Variants in RIMS2 observed in about 807,000 individuals in gnomAD.
RIMS2 encodes the protein regulating synaptic membrane exocytosis 2.
Under a neutral mutation model 174.4 loss-of-function variants are expected in RIMS2, and 59 were observed. The ratio of observed to expected loss-of-function variants is 0.34; its 90% CI spans 0.27 to 0.42. The LOEUF (loss-of-function observed/expected upper bound fraction) is 0.42, where lower values mean the gene tolerates loss of function less well. RIMS2 is among the 10% of genes least tolerant of loss of function. The pLI, the probability that RIMS2 is intolerant of heterozygous loss-of-function variation, is 1.00. For missense variants in RIMS2, 1,620 were observed against 1,666.3 expected, an observed-to-expected ratio of 0.97 and a Z score of 0.48; for synonymous variants, 606 against 572.5, an observed-to-expected ratio of 1.06 and a Z score of -0.84.
At chr8:103,865,284 C>CTTTTTTTTTTTTTTTTT (rs67300843) in intron 3 of RIMS2, among the ~76,000 whole-genome samples, 1 of 119,732 alleles carries the variant, frequency 8.4e-6, no homozygotes, top group African/African-American at 3.2e-5. Context: ...CAGTTTTTTT[C>CTTTTTTTTTTTTTTTTT]TTTTTTTTTT....
chr8:104,208,335 A>AGG (rs571634068), intron 19 of RIMS2, among the ~76,000 whole-genome samples: 1 of 152,070 alleles, frequency 6.6e-6, no homozygotes, highest in African/African-American at 2.4e-5. Flanking sequence ...TGGGAGGCCG[A>AGG]GGGGGGCAGA....
intron 19 of RIMS2, chr8:104,093,598 A>G: frequency 6.9e-6 from 11 of 1,597,650 alleles, no homozygotes; most frequent in Non-Finnish European, 9.3e-6. Flanking sequence ...AGCACAAGCT[A>G]CATGTCTGTC....
rs528340818 is a variant in RIMS2 at position 103,512,628 on chromosome 8, C to G, written c.176+11566C>G. Among the ~76,000 whole-genome samples, 6 of 152,078 alleles carry G rather than the reference C, an allele frequency of 3.9e-5. No homozygotes were observed. The East Asian group carries it at 1.2e-3, about 30-fold the overall frequency. ...GCCAAAGCAAATTTCATGATCATGC[C>G]TACCTAACTCAGGGTAGAGAAGGAC... On this transcript the variant is annotated intron_variant, in intron 1 of 23. Transcript: ENST00000504942.
chr8:103,977,169 G>A (rs955416695), intron 16 of RIMS2: 6 of 152,078 alleles, frequency 3.9e-5, no homozygotes, highest in African/African-American at 1.2e-4. Flanking sequence ...ATGTTTGAAG[G>A]ATATAAGACA....
intron 3 of RIMS2, among the ~76,000 whole-genome samples, chr8:103,793,933 G>A (rs1352257386): frequency 6.6e-6 from 1 of 152,020 alleles, no homozygotes; most frequent in Non-Finnish European, 1.5e-5. Context: ...AAATAAAAGA[G>A]GACATAAACA....
At chr8:103,722,979 G>T (rs993250743) in intron 2 of RIMS2, among the ~76,000 whole-genome samples, 1 of 152,112 alleles carries the variant, frequency 6.6e-6, no homozygotes, top group African/African-American at 2.4e-5. Context: ...GGGCATGGTG[G>T]GGCACACCTG....
At chr8:103,613,434 ACT>A (rs2095433624) in intron 1 of RIMS2, among the ~76,000 whole-genome samples, 1 of 151,976 alleles carries the variant, frequency 6.6e-6, no homozygotes, top group Non-Finnish European at 1.5e-5. Flanking sequence ...CATGTGTGAG[ACT>A]CACCCTTCAG....
chr8:103,643,439 C>G (rs2096269191), intron 1 of RIMS2, among the ~76,000 whole-genome samples: 1 of 151,990 alleles, frequency 6.6e-6, no homozygotes, highest in African/African-American at 2.4e-5. Context: ...TTTTTTCTTG[C>G]CACTTAGAAT....
At chr8:103,667,508 G>C (rs984017530) in intron 1 of RIMS2, among the ~76,000 whole-genome samples, 13 of 152,152 alleles carry the variant, frequency 8.5e-5, no homozygotes, top group African/African-American at 2.4e-4. Flanking sequence ...TTCTGTCTCT[G>C]ACATTATGAA....
chr8:103,537,369 A>T (rs555741344), intron 1 of RIMS2, among the ~76,000 whole-genome samples: 15 of 152,346 alleles, frequency 9.8e-5, no homozygotes, highest in African/African-American at 2.6e-4. Context: ...TGGAATTGAA[A>T]ACTTAGAATA....
chr8:104,245,068 C>A lies in RIMS2; in HGVS notation c.3476+11C>A, dbSNP rs780282071. On this transcript the variant is annotated intron_variant, in intron 20 of 23. Coordinates refer to ENST00000504942, the Ensembl canonical transcript of RIMS2. Reference sequence around the variant, plus strand: ...CAGCTCAGAAGGAAAGTGAGTGAGGCTGCATGTGATGTGTGTCTCCTCCGT... The same window carrying A: ...CAGCTCAGAAGGAAAGTGAGTGAGGATGCATGTGATGTGTGTCTCCTCCGT... 1.9e-6 allele frequency: 3 copies of A among 1,612,996 alleles called. No homozygotes were observed. In the South Asian group the frequency reaches 3.3e-5, roughly 18 times the overall value.
At chr8:103,796,000 T>C (rs968632979) in intron 3 of RIMS2, among the ~76,000 whole-genome samples, 3 of 152,170 alleles carry the variant, frequency 2.0e-5, no homozygotes, top group Non-Finnish European at 2.9e-5. Context: ...ATCATTCTTA[T>C]GGCCATTTAA....
chr8:103,630,580 C>CAAA (rs61194218), intron 1 of RIMS2, among the ~76,000 whole-genome samples: 33 of 86,932 alleles, frequency 3.8e-4, no homozygotes, highest in East Asian at 1.1e-3. Context: ...AACTCCATCT[C>CAAA]AAAAAAAAAA....
intron 1 of RIMS2, among the ~76,000 whole-genome samples, chr8:103,554,666 C>G (rs1849610645): frequency 6.6e-6 from 1 of 152,106 alleles, no homozygotes; most frequent in Admixed American, 6.6e-5. Context: ...TAATTCGACC[C>G]AGCAATCCTA....
chr8:103,573,213 G>T (rs542600787), intron 1 of RIMS2, among the ~76,000 whole-genome samples: 2 of 151,590 alleles, frequency 1.3e-5, no homozygotes, highest in East Asian at 1.9e-4. Flanking sequence ...ATGCCACCAC[G>T]CCCAGCTAAT....
chr8:103,992,274 A>ATTTTTTTTTTTTT (rs1186537194), intron 17 of RIMS2, among the ~76,000 whole-genome samples: 1,286 of 106,854 alleles, frequency 0.012, 1 homozygote, highest in Middle Eastern at 0.023. Context: ...ATGTCCAGCT[A>ATTTTTTTTTTTTT]TTTTTTTTTT....
chr8:103,855,594 C>G (rs568797093), intron 3 of RIMS2, among the ~76,000 whole-genome samples: 16 of 151,810 alleles, frequency 1.1e-4, no homozygotes, highest in Non-Finnish European at 2.2e-4. Flanking sequence ...TTTTTTATTT[C>G]TGCCTTAATT....
chr8:103,955,389 A>T (rs941528549), intron 14 of RIMS2, among the ~76,000 whole-genome samples: 1 of 152,192 alleles, frequency 6.6e-6, no homozygotes, highest in Non-Finnish European at 1.5e-5. Context: ...GCACATCAAG[A>T]AGGTTGTCCA....
chr8:103,566,905 G>A (rs531031835), intron 1 of RIMS2, among the ~76,000 whole-genome samples: 28 of 152,174 alleles, frequency 1.8e-4, no homozygotes, highest in Admixed American at 4.6e-4. Context: ...TTCTCAGAGC[G>A]GTGCAACTAT....
Sources: allele counts gnomAD v4.1 joint callset (sites outside exome capture counted in the v4.1 genomes callset), GRCh38; gene constraint gnomAD v4.1.1; transcripts MANE v1.5; gene names NCBI Gene and HGNC (gene_info 2026-07-23, HGNC 2026-07-21).